Variants in TACR1 observed in about 807,000 individuals in gnomAD.
The protein encoded by TACR1 is tachykinin receptor 1, also known as substance-P receptor.
Under a neutral mutation model 35.8 loss-of-function variants are expected in TACR1, and 25 were observed. The observed-to-expected ratio is 0.70, with a 90% confidence interval of 0.51 to 0.98. The LOEUF is 0.98. TACR1 is among the 50% of genes least tolerant of loss of function. The pLI, the probability that TACR1 is intolerant of heterozygous loss-of-function variation, is 0.00. For missense variants in TACR1, 478 were observed against 522.9 expected (o/e 0.91, Z 0.84); for synonymous variants, 195 against 206.7 (o/e 0.94, Z 0.48).
intron 1 of TACR1, among the ~76,000 whole-genome samples, chr2:75,157,275 A>G (rs1255826258): frequency 6.6e-6 from 1 of 151,960 alleles, no homozygotes; most frequent in Non-Finnish European, 1.5e-5. Flanking sequence ...CTTTCCTTTC[A>G]TTTTCCTTAC....
chr2:75,158,029 C>T (rs1157172227), intron 1 of TACR1, among the ~76,000 whole-genome samples: 2 of 152,150 alleles, frequency 1.3e-5, no homozygotes, highest in African/African-American at 2.4e-5. Flanking sequence ...AGGTCTAAAC[C>T]TTATTTTAAG....
chr2:75,197,765 A>G (rs531545244), intron 1 of TACR1, among the ~76,000 whole-genome samples: 205 of 152,338 alleles, frequency 1.3e-3, no homozygotes, highest in African/African-American at 4.7e-3. Context: ...CTCTGTGGAT[A>G]GAGACAGGCT....
intron 2 of TACR1, among the ~76,000 whole-genome samples, chr2:75,119,154 TG>T (rs1161193821): frequency 6.6e-6 from 1 of 152,214 alleles, no homozygotes; most frequent in Non-Finnish European, 1.5e-5. Flanking sequence ...ATGACAGGTA[TG>T]GTGTCCCATT....
intron 2 of TACR1, among the ~76,000 whole-genome samples, chr2:75,086,189 C>T (rs1171725068): frequency 6.6e-6 from 1 of 152,176 alleles, no homozygotes; most frequent in African/African-American, 2.4e-5. Flanking sequence ...AAAGTTGCTT[C>T]TCACAGCAGA....
At chr2:75,144,632 C>T (rs1018191089) in intron 1 of TACR1, among the ~76,000 whole-genome samples, 1 of 152,124 alleles carries the variant, frequency 6.6e-6, no homozygotes, top group Non-Finnish European at 1.5e-5. Flanking sequence ...AAAAGTGAGA[C>T]ATAACCAAAA....
chr2:75,077,700 A>G (rs971081746), intron 2 of TACR1, among the ~76,000 whole-genome samples: 6 of 152,202 alleles, frequency 3.9e-5, no homozygotes, highest in Admixed American at 1.3e-4. Flanking sequence ...ACAGTGATGA[A>G]CAACACAGAC....
In TACR1 at chr2:75,110,132, C is replaced by T. The variant is rs1203726545; in HGVS notation, c.584+10442G>A. Among the ~76,000 whole-genome samples the T allele has an allele frequency of 3.3e-5, 5 of 151,774 alleles. No homozygotes were observed. In the South Asian group the frequency reaches 6.2e-4, roughly 19 times the overall value. The stretch of plus-strand genomic sequence containing the variant: ...CTTAAATGTATGCAGGCAGAAATCA[C>T]AAATTATGTAAAATGGGAAAAAAAT... On this transcript the variant is annotated intron_variant, in intron 2 of 4. Coordinates refer to ENST00000305249, the MANE Select transcript of TACR1 (RefSeq NM_001058.4).
chr2:75,145,268 A>T (rs547197245), intron 1 of TACR1, among the ~76,000 whole-genome samples: 3 of 152,306 alleles, frequency 2.0e-5, no homozygotes, highest in African/African-American at 7.2e-5. Context: ...ATTTTATTTA[A>T]TGGTGAAAAT....
chr2:75,049,401 T>A lies in TACR1; in HGVS notation c.*31A>T. On this transcript the variant is annotated 3_prime_UTR_variant, in exon 5 of 5. Transcript: ENST00000305249. ...ATGAAGGGAGGCAGGTCAAAGGCAG[T>A]GGGGGCTGCACCTGCCAAAGGCCCT... The A allele has an allele frequency of 6.3e-7, 1 of 1,589,196 alleles. No homozygotes were observed. Among genetic ancestry groups the A allele is most frequent in the Admixed American group, 1.7e-5 (1 of 58,622 alleles).
intron 1 of TACR1, among the ~76,000 whole-genome samples, chr2:75,197,970 A>AAAAC (rs763637749): frequency 7.2e-5 from 11 of 152,312 alleles, no homozygotes; most frequent in Admixed American, 1.3e-4. Context: ...TTTCACATCC[A>AAAAC]AAACAAACAA....
At chr2:75,161,139 A>G (rs1296088393) in intron 1 of TACR1, among the ~76,000 whole-genome samples, 2 of 152,090 alleles carry the variant, frequency 1.3e-5, no homozygotes, top group Non-Finnish European at 2.9e-5. Flanking sequence ...TCCTGGAAAA[A>G]TAAACAAAAA....
At chr2:75,152,944 C>G (rs1674707046) in intron 1 of TACR1, among the ~76,000 whole-genome samples, 1 of 152,214 alleles carries the variant, frequency 6.6e-6, no homozygotes, top group Admixed American at 6.5e-5. Context: ...CATTCTGTCA[C>G]CAGGCTGGAG....
At chr2:75,054,254 G>A (rs866035182) in intron 2 of TACR1, among the ~76,000 whole-genome samples, 7 of 152,182 alleles carry the variant, frequency 4.6e-5, no homozygotes, top group Admixed American at 4.6e-4. Flanking sequence ...CAACTAGTAC[G>A]TTCAGTTGAG....
chr2:75,068,930 A>G (rs1672822019), intron 2 of TACR1, among the ~76,000 whole-genome samples: 1 of 152,210 alleles, frequency 6.6e-6, no homozygotes, highest in South Asian at 2.1e-4. Context: ...TATGTACATG[A>G]TACTGTTTGG....
intron 1 of TACR1, among the ~76,000 whole-genome samples, chr2:75,161,586 T>A (rs1253815217): frequency 6.6e-6 from 1 of 152,072 alleles, no homozygotes; most frequent in Non-Finnish European, 1.5e-5. Flanking sequence ...TGCGCAACTT[T>A]CAAGTCATGA....
intron 1 of TACR1, among the ~76,000 whole-genome samples, chr2:75,121,707 G>A (rs77957213): frequency 0.11 from 16,165 of 152,208 alleles, 1,113 homozygotes; most frequent in Admixed American, 0.21. Context: ...TTCTTGCAAA[G>A]TTTATAGCTC....
intron 1 of TACR1, among the ~76,000 whole-genome samples, chr2:75,148,572 GT>G (rs1674599071): frequency 6.6e-6 from 1 of 152,042 alleles, no homozygotes; most frequent in Non-Finnish European, 1.5e-5. Context: ...GGAGTTGCTT[GT>G]TTTTTTCTTG....
intron 1 of TACR1, among the ~76,000 whole-genome samples, chr2:75,197,385 A>G (rs543856052): frequency 1.3e-5 from 2 of 152,314 alleles, no homozygotes; most frequent in South Asian, 4.1e-4. Context: ...TTTTTTTTGA[A>G]GTTTTCTCCT....
intron 1 of TACR1, among the ~76,000 whole-genome samples, chr2:75,194,537 A>G (rs1675921148): frequency 6.6e-6 from 1 of 152,240 alleles, no homozygotes; most frequent in Non-Finnish European, 1.5e-5. Flanking sequence ...AGACCTGGAA[A>G]GCAGGATATT....
Sources: allele counts gnomAD v4.1 joint callset (sites outside exome capture counted in the v4.1 genomes callset), GRCh38; gene constraint gnomAD v4.1.1; transcripts MANE v1.5; gene names NCBI Gene and HGNC (gene_info 2026-07-23, HGNC 2026-07-21).